The following MYO3B variants were observed in gnomAD, a reference collection of about 807,000 sequenced individuals.
MYO3B encodes the protein myosin IIIB.
In MYO3B, 156 loss-of-function variants were observed where a neutral mutation model predicts 174.6. That is an observed-to-expected ratio of 0.89 (90% CI 0.78 to 1.02). The LOEUF (loss-of-function observed/expected upper bound fraction) is 1.02, where lower values mean the gene tolerates loss of function less well. MYO3B is among the 50% of genes least tolerant of loss of function. MYO3B has a pLI of 0.00. For missense variants in MYO3B, 1,632 were observed against 1,639.4 expected, an observed-to-expected ratio of 1.00 and a Z score of 0.08; for synonymous variants, 563 against 569.1, an observed-to-expected ratio of 0.99 and a Z score of 0.15.
At chr2:170,462,255 G>A (rs536399778) in intron 23 of MYO3B, among the ~76,000 whole-genome samples, 21 of 152,338 alleles carry the variant, frequency 1.4e-4, no homozygotes, top group South Asian at 2.1e-4. Context: ...AAATAAAGCT[G>A]CACTGTCTCT....
chr2:170,236,129 A>G lies in MYO3B; in HGVS notation c.742A>G (p.Ile248Val), dbSNP rs890868017. ...GCATCCTGTGAAAACACTCTTTAAG[A>G]TTCCAAGGTAAGACACAAGATGGCG... ...DMHPVKTLFKIPRNPPPTLLH... is the reference protein window; with the variant it reads ...DMHPVKTLFKVPRNPPPTLLH... Residue 248 changes from isoleucine (I) to valine (V), a missense_variant, in exon 7 of 35, where the codon ATT (isoleucine) becomes GTT (valine). By Grantham distance (29) the Ile-to-Val change is conservative (BLOSUM62 3). Transcript: ENST00000408978. The G allele has an allele frequency of 6.2e-7, 1 of 1,614,008 alleles. No homozygotes were observed. The highest frequency in any genetic ancestry group is 8.5e-7 in the Non-Finnish European group (1 of 1,180,014).
chr2:170,624,374 A>G (rs984014988), intron 32 of MYO3B, among the ~76,000 whole-genome samples: 13 of 151,002 alleles, frequency 8.6e-5, no homozygotes, highest in African/African-American at 2.9e-4. Context: ...TCTGTCTGTT[A>G]TTGGTGTATA....
chr2:170,275,661 C>T (rs1370200141), intron 7 of MYO3B, among the ~76,000 whole-genome samples: 1 of 152,026 alleles, frequency 6.6e-6, no homozygotes, highest in Non-Finnish European at 1.5e-5. Flanking sequence ...TTTGTTTTGA[C>T]TTCTAAGATA....
Position 170,404,302 on chromosome 2 carries a change from G to A in MYO3B, c.2333G>A (p.Arg778His), listed in dbSNP as rs753265274. ...GTACCCGTGGAATATGAGGACAACC[G>A]CCCGCTCTTGGACATGTTCCTCCAG... ...DAVPVEYEDN[R>H]PLLDMFLQKP... is the part of the protein sequence containing the mutation. Residue 778 changes from arginine to histidine, a missense_variant, in exon 20 of 35, where the codon CGC becomes CAC. By Grantham distance (29) the Arg-to-His change is conservative (BLOSUM62 0). Coordinates refer to ENST00000408978, the MANE Select transcript of MYO3B (RefSeq NM_138995.5). The A allele has an allele frequency of 9.3e-6, 15 of 1,613,396 alleles. No individual in the cohort carries two copies. Among genetic ancestry groups the A allele is most frequent in the Admixed American group, 3.3e-5 (2 of 59,894 alleles).
chr2:170,367,143 C>G (rs1017627785), intron 8 of MYO3B, among the ~76,000 whole-genome samples: 2 of 152,204 alleles, frequency 1.3e-5, no homozygotes, highest in Admixed American at 1.3e-4. Flanking sequence ...TGCCACTAGT[C>G]AACAGGCTAT....
intron 26 of MYO3B, 68 bp from the exon 27 acceptor site, chr2:170,499,578 A>G (rs1687092938): frequency 5.1e-6 from 7 of 1,366,796 alleles, no homozygotes; most frequent in Non-Finnish European, 6.2e-6. Flanking sequence ...CATTTAGAAT[A>G]TGCTGTAGTA....
chr2:170,448,112 G>A (rs948244969), intron 23 of MYO3B, among the ~76,000 whole-genome samples: 1 of 152,150 alleles, frequency 6.6e-6, no homozygotes, highest in Admixed American at 6.5e-5. Flanking sequence ...CTAATCTTGT[G>A]GCTAATTTGT....
intron 22 of MYO3B, among the ~76,000 whole-genome samples, chr2:170,408,825 C>T (rs570120620): frequency 3.5e-4 from 53 of 151,044 alleles, no homozygotes; most frequent in African/African-American, 1.0e-3. Context: ...AGTTGAAATC[C>T]GGCTCTTTTT....
chr2:170,398,116 A>G (rs2094451516), intron 16 of MYO3B, among the ~76,000 whole-genome samples: 1 of 151,328 alleles, frequency 6.6e-6, no homozygotes, highest in Non-Finnish European at 1.5e-5. Context: ...CTAGCTACTC[A>G]GGAGGCTGAG....
rs117948841 is a variant in MYO3B at position 170,435,452 on chromosome 2, G to A, written c.2651-8515G>A. On this transcript the variant is annotated intron_variant, in intron 22 of 34. Coordinates refer to ENST00000408978, the MANE Select transcript of MYO3B (RefSeq NM_138995.5). ...AATGAGCAATCTAACCATTTGCCTG[G>A]GCTTGGAGACTCCTGAAAAAAGAAA... 2.4e-4 allele frequency among the ~76,000 whole-genome samples: 37 copies of A among 152,192 alleles called. No individual in the cohort carries two copies. The East Asian group carries it at 5.8e-3, about 24-fold the overall frequency.
chr2:170,576,138 GA>G (rs1368461302), intron 32 of MYO3B, among the ~76,000 whole-genome samples: 1 of 152,160 alleles, frequency 6.6e-6, no homozygotes, highest in Non-Finnish European at 1.5e-5. Context: ...AACTGAAAAA[GA>G]CAGAAAGGGG....
At chr2:170,526,145 ATTAC>A (rs1688983525) in intron 30 of MYO3B, among the ~76,000 whole-genome samples, 2 of 152,162 alleles carry the variant, frequency 1.3e-5, no homozygotes, top group African/African-American at 4.8e-5. Context: ...TCCTAGTTGA[ATTAC>A]TTACGAGCTA....
intron 8 of MYO3B, among the ~76,000 whole-genome samples, chr2:170,352,038 C>T (rs954841606): frequency 9.2e-5 from 14 of 152,226 alleles, no homozygotes; most frequent in African/African-American, 1.9e-4. Flanking sequence ...CTGCAACCTC[C>T]GCCTCCCAGG....
intron 8 of MYO3B, chr2:170,346,045 G>A (rs1023053704): frequency 1.3e-5 from 2 of 152,048 alleles, no homozygotes; most frequent in Admixed American, 1.3e-4. Flanking sequence ...CTTTATTATA[G>A]CAGCCCTAGG....
At chr2:170,293,315 G>C (rs2093608057) in intron 7 of MYO3B, among the ~76,000 whole-genome samples, 2 of 152,110 alleles carry the variant, frequency 1.3e-5, no homozygotes, top group African/African-American at 4.8e-5. Context: ...TTTATTTTTG[G>C]ATACTTACTT....
At chr2:170,257,460 A>T (rs971745827) in intron 7 of MYO3B, among the ~76,000 whole-genome samples, 2 of 152,224 alleles carry the variant, frequency 1.3e-5, no homozygotes, top group African/African-American at 4.8e-5. Context: ...ATTGCATGGA[A>T]ACTAAACAAC....
chr2:170,615,218 CAT>C (rs376834786), intron 32 of MYO3B, among the ~76,000 whole-genome samples: 159 of 152,326 alleles, frequency 1.0e-3, no homozygotes, highest in Middle Eastern at 3.4e-3. Flanking sequence ...CTTCACCACA[CAT>C]GTTTACTCAG....
chr2:170,210,239 A>G (rs2092756149), intron 3 of MYO3B, among the ~76,000 whole-genome samples: 1 of 152,226 alleles, frequency 6.6e-6, no homozygotes, highest in African/African-American at 2.4e-5. Flanking sequence ...AATTTAGTCA[A>G]TCTGTTCACA....
At chr2:170,617,571 T>C (rs773763365) in intron 32 of MYO3B, among the ~76,000 whole-genome samples, 1 of 152,202 alleles carries the variant, frequency 6.6e-6, no homozygotes, top group East Asian at 1.9e-4. Context: ...CAAACTCTCA[T>C]ACCAGTCATA....
Sources: gnomAD v4.1 joint callset for allele counts (sites outside exome capture counted in the v4.1 genomes callset) on GRCh38, gnomAD v4.1.1 for gene constraint, MANE v1.5 for transcripts, NCBI Gene and HGNC (gene_info 2026-07-23, HGNC 2026-07-21) for gene names.